EHD4: variants seen among roughly 807,000 people sequenced by gnomAD.
EHD4 encodes the protein EH domain containing 4, also known as EH domain-containing protein 4.
A neutral mutation model predicts 51.0 loss-of-function variants in EHD4; 37 were observed. The ratio of observed to expected loss-of-function variants is 0.73; its 90% confidence interval spans 0.56 to 0.95. The LOEUF is 0.95. Among genes scored for constraint, EHD4 ranks in the 40% least tolerant of loss-of-function variants. The pLI, the probability that EHD4 is intolerant of heterozygous loss-of-function variation, is 0.00. For missense variants in EHD4, 632 were observed against 733.1 expected, an observed-to-expected ratio of 0.86 and a Z score of 1.59; for synonymous variants, 297 against 317.3, an observed-to-expected ratio of 0.94 and a Z score of 0.68.
At chr15:41,945,660 C>T (rs899640124) in intron 2 of EHD4, among the ~76,000 whole-genome samples, 6 of 152,200 alleles carry the variant, frequency 3.9e-5, no homozygotes, top group African/African-American at 1.4e-4. Flanking sequence ...TGGTGCCACG[C>T]TCATGCTGCG....
chr15:41,962,826 G>A (rs2067934412), intron 1 of EHD4, among the ~76,000 whole-genome samples: 2 of 152,196 alleles, frequency 1.3e-5, no homozygotes, highest in African/African-American at 2.4e-5. Flanking sequence ...GGGCCATGAT[G>A]AGGATGGCGG....
chr15:41,933,419 C>T (rs1261130982), intron 3 of EHD4, among the ~76,000 whole-genome samples: 1 of 152,162 alleles, frequency 6.6e-6, no homozygotes, highest in Non-Finnish European at 1.5e-5. Context: ...TCGTAAGATC[C>T]CACTGTACGA....
intron 4 of EHD4, among the ~76,000 whole-genome samples, chr15:41,918,142 G>A (rs915359625): frequency 4.6e-5 from 7 of 152,024 alleles, no homozygotes; most frequent in African/African-American, 7.2e-5. Flanking sequence ...GGCCAGGCAC[G>A]TAGTCACCCT....
intron 2 of EHD4, among the ~76,000 whole-genome samples, chr15:41,945,695 T>C (rs1253415636): frequency 6.6e-6 from 1 of 152,218 alleles, no homozygotes; most frequent in Non-Finnish European, 1.5e-5. Context: ...TATGAATGCA[T>C]TCGTACGAAG....
intron 3 of EHD4, among the ~76,000 whole-genome samples, chr15:41,937,885 A>G (rs1465543725): frequency 6.6e-6 from 1 of 152,152 alleles, no homozygotes; most frequent in African/African-American, 2.4e-5. Flanking sequence ...CTTATCCGAA[A>G]AGGTTGGGAC....
intron 3 of EHD4, among the ~76,000 whole-genome samples, chr15:41,934,144 C>A (rs1236072596): frequency 1.3e-5 from 2 of 151,978 alleles, no homozygotes; most frequent in Non-Finnish European, 2.9e-5. Context: ...TCCAAGTTTG[C>A]CAGCCCCTTC....
intron 3 of EHD4, chr15:41,942,656 A>C (rs1222610383): frequency 5.9e-6 from 1 of 168,214 alleles, no homozygotes; most frequent in African/African-American, 2.4e-5. Flanking sequence ...TCTATCCTTC[A>C]CAGATCCCCT....
At chr15:41,904,684 T>C (rs867272676) in intron 5 of EHD4, among the ~76,000 whole-genome samples, 17 of 152,190 alleles carry the variant, frequency 1.1e-4, no homozygotes, top group South Asian at 4.1e-4. Context: ...TCTGAGCAGA[T>C]GGGGCTGACT....
intron 3 of EHD4, among the ~76,000 whole-genome samples, chr15:41,935,458 A>T (rs1375502461): frequency 6.6e-6 from 1 of 152,064 alleles, no homozygotes; most frequent in Non-Finnish European, 1.5e-5. Context: ...TCCCCTTTCC[A>T]CTATCCTAGG....
chr15:41,908,542 A>C (rs886180470), intron 5 of EHD4: 6 of 152,174 alleles, frequency 3.9e-5, no homozygotes, highest in African/African-American at 1.4e-4. Flanking sequence ...TGTGCAGCCC[A>C]TATGCAGGTG....
chr15:41,935,717 T>G (rs1221591424), intron 3 of EHD4, among the ~76,000 whole-genome samples: 1 of 152,212 alleles, frequency 6.6e-6, no homozygotes, highest in Admixed American at 6.5e-5. Flanking sequence ...CTCAACCACT[T>G]ATTGGCTATT....
chr15:41,917,366 G>C (rs531103585), intron 4 of EHD4, among the ~76,000 whole-genome samples: 2 of 152,052 alleles, frequency 1.3e-5, no homozygotes, highest in Non-Finnish European at 2.9e-5. Context: ...TGATCCACCC[G>C]CCTCCGACTC....
At chr15:41,925,091 T>C (rs1484989493) in intron 3 of EHD4, among the ~76,000 whole-genome samples, 1 of 149,548 alleles carries the variant, frequency 6.7e-6, no homozygotes, top group Non-Finnish European at 1.5e-5. Flanking sequence ...TTTAATCATA[T>C]GTTATACTTC....
intron 3 of EHD4, among the ~76,000 whole-genome samples, chr15:41,939,852 A>G (rs1327442155): frequency 2.7e-5 from 4 of 150,122 alleles, no homozygotes; most frequent in African/African-American, 9.7e-5. Context: ...GGAAAACTTG[A>G]GGGGTAAGGA....
Position 41,949,664 on chromosome 15 carries a change from A to G in EHD4, c.413+4100T>C, listed in dbSNP as rs76142522. 1.1e-4 allele frequency among the ~76,000 whole-genome samples: 17 copies of G among 152,302 alleles called. No homozygotes were observed. In the East Asian group the frequency reaches 2.7e-3, roughly 24 times the overall value. On this transcript the variant is annotated intron_variant, in intron 2 of 5. Transcript: ENST00000220325. ...GTGATTCAAGTTATTTTTTAGAAAG[A>G]AACAGAGGCAATGAGGAAGTACATG... is the stretch of plus-strand genomic sequence containing the variant.
At chr15:41,968,245 T>C (rs1052461844) in intron 1 of EHD4, among the ~76,000 whole-genome samples, 5 of 152,182 alleles carry the variant, frequency 3.3e-5, no homozygotes, top group African/African-American at 9.7e-5. Flanking sequence ...GCCCCTTTTT[T>C]CCCCTATTAA....
intron 1 of EHD4, among the ~76,000 whole-genome samples, chr15:41,962,674 C>CG (rs931323390): frequency 1.6e-4 from 24 of 151,846 alleles, no homozygotes; most frequent in African/African-American, 5.6e-4. Flanking sequence ...GGGAGGGAGG[C>CG]GGGGGGCAGC....
At chr15:41,962,709 G>A (rs1404189948) in intron 1 of EHD4, among the ~76,000 whole-genome samples, 1 of 151,948 alleles carries the variant, frequency 6.6e-6, no homozygotes, top group Non-Finnish European at 1.5e-5. Flanking sequence ...CGCCCCGTCT[G>A]GGAGGTGGGG....
intron 3 of EHD4, among the ~76,000 whole-genome samples, chr15:41,940,838 G>C (rs563141656): frequency 6.6e-6 from 1 of 152,324 alleles, no homozygotes; most frequent in East Asian, 1.9e-4. Flanking sequence ...AAGCAAAGGA[G>C]AGACGCTGCA....
Sources: allele counts gnomAD v4.1 joint callset (sites outside exome capture counted in the v4.1 genomes callset), GRCh38; gene constraint gnomAD v4.1.1; transcripts MANE v1.5; gene names NCBI Gene and HGNC (gene_info 2026-07-23, HGNC 2026-07-21).